The following KCNQ5 variants were observed in gnomAD, a reference collection of about 807,000 sequenced individuals.
The protein encoded by KCNQ5 is potassium voltage-gated channel subfamily Q member 5, also known as potassium voltage-gated channel subfamily KQT member 5.
A neutral mutation model predicts 98.2 loss-of-function variants in KCNQ5; 30 were observed. The observed-to-expected ratio is 0.31, with a 90% CI of 0.23 to 0.41. KCNQ5 has a LOEUF of 0.41. KCNQ5 is among the 10% of genes least tolerant of loss of function. The pLI, the probability that KCNQ5 is intolerant of heterozygous loss-of-function variation, is 1.00. For missense variants in KCNQ5, 835 were observed against 1,182.5 expected (o/e 0.71, Z 4.31); for synonymous variants, 458 against 449.4 (o/e 1.02, Z -0.24).
chr6:72,626,153 G>C (rs1172036948), intron 1 of KCNQ5, among the ~76,000 whole-genome samples: 1 of 152,236 alleles, frequency 6.6e-6, no homozygotes, highest in African/African-American at 2.4e-5. Flanking sequence ...CTACAAGCCT[G>C]TGAACAAGTG....
intron 1 of KCNQ5, among the ~76,000 whole-genome samples, chr6:72,742,399 T>G (rs1042397036): frequency 1.3e-5 from 2 of 152,218 alleles, no homozygotes; most frequent in African/African-American, 4.8e-5. Flanking sequence ...TTCTACTTGA[T>G]CTGCTCACAT....
chr6:72,913,365 T>C (rs1780017415), intron 1 of KCNQ5, among the ~76,000 whole-genome samples: 1 of 151,898 alleles, frequency 6.6e-6, no homozygotes, highest in Non-Finnish European at 1.5e-5. Context: ...CGGTAGTAAG[T>C]GGCACCATGT....
chr6:72,987,815 T>C, intron 1 of KCNQ5: 1 of 372,882 alleles, frequency 2.7e-6, no homozygotes, highest in Non-Finnish European at 5.1e-6. Context: ...ATGCTGGAGA[T>C]TACAAGTTTT....
intron 5 of KCNQ5, among the ~76,000 whole-genome samples, chr6:73,093,296 T>C (rs1172278258): frequency 6.6e-6 from 1 of 152,218 alleles, no homozygotes; most frequent in African/African-American, 2.4e-5. Context: ...TTTTCTCTCT[T>C]CTTTTTATGG....
chr6:72,754,282 T>C (rs901715695), intron 1 of KCNQ5, among the ~76,000 whole-genome samples: 3 of 152,154 alleles, frequency 2.0e-5, no homozygotes, highest in Non-Finnish European at 4.4e-5. Context: ...GACATGTTGA[T>C]TTTTATTTGT....
At chr6:73,036,254 T>C (rs763870307) in intron 2 of KCNQ5, among the ~76,000 whole-genome samples, 22 of 151,592 alleles carry the variant, frequency 1.5e-4, no homozygotes, top group Middle Eastern at 6.8e-3. Flanking sequence ...GGCGTGGTGG[T>C]GGGCGCCTGT....
At chr6:72,972,564 A>G (rs908849977) in intron 1 of KCNQ5, among the ~76,000 whole-genome samples, 2 of 150,812 alleles carry the variant, frequency 1.3e-5, no homozygotes, top group Non-Finnish European at 3.0e-5. Flanking sequence ...TCAATGTTCA[A>G]CTCCCACTTA....
intron 1 of KCNQ5, among the ~76,000 whole-genome samples, chr6:72,808,158 C>T (rs1022584488): frequency 6.6e-6 from 1 of 151,936 alleles, no homozygotes; most frequent in African/African-American, 2.4e-5. Flanking sequence ...GGGCTAGTGG[C>T]AAAGGAAATG....
intron 1 of KCNQ5, among the ~76,000 whole-genome samples, chr6:72,841,383 A>G (rs1431759661): frequency 6.6e-6 from 1 of 152,124 alleles, no homozygotes; most frequent in Non-Finnish European, 1.5e-5. Context: ...GTAATTATGG[A>G]CTTGTTCCTT....
chr6:72,637,726 T>A (rs2098925008), intron 1 of KCNQ5, among the ~76,000 whole-genome samples: 1 of 152,186 alleles, frequency 6.6e-6, no homozygotes, highest in African/African-American at 2.4e-5. Context: ...TGTTTTGGTA[T>A]GTCAAATGGA....
chr6:73,186,616 C>G (rs1172582661), intron 11 of KCNQ5, among the ~76,000 whole-genome samples: 1 of 152,034 alleles, frequency 6.6e-6, no homozygotes, highest in Non-Finnish European at 1.5e-5. Flanking sequence ...GATAGAATTT[C>G]CATGGTACAG....
chr6:72,793,794 T>G (rs918847866), intron 1 of KCNQ5, among the ~76,000 whole-genome samples: 1 of 152,200 alleles, frequency 6.6e-6, no homozygotes, highest in Non-Finnish European at 1.5e-5. Context: ...TGATTTCAGC[T>G]CTTATTGAGT....
intron 2 of KCNQ5, among the ~76,000 whole-genome samples, chr6:73,005,913 A>G (rs946790575): frequency 2.6e-5 from 4 of 152,226 alleles, no homozygotes; most frequent in African/African-American, 9.6e-5. Flanking sequence ...AAACCTACCT[A>G]GAAATATGCA....
At chr6:73,124,971 A>G (rs1255097747) in intron 9 of KCNQ5, among the ~76,000 whole-genome samples, 1 of 8,572 alleles carries the variant, frequency 1.2e-4, no homozygotes, top group Non-Finnish European at 1.9e-4. Flanking sequence ...ATATATATAT[A>G]TATATATATA....
intron 1 of KCNQ5, among the ~76,000 whole-genome samples, chr6:72,912,062 T>C (rs932228427): frequency 2.6e-5 from 4 of 152,076 alleles, no homozygotes; most frequent in Non-Finnish European, 5.9e-5. Flanking sequence ...ACAAAGAGAT[T>C]GGGGGATAAA....
At chr6:72,805,789 C>A (rs1456437348) in intron 1 of KCNQ5, among the ~76,000 whole-genome samples, 1 of 151,972 alleles carries the variant, frequency 6.6e-6, no homozygotes, top group African/African-American at 2.4e-5. Context: ...TATTGATTCC[C>A]CACCTATGGA....
intron 10 of KCNQ5, 91 bp from the exon 11 acceptor site, chr6:73,169,655 A>G (rs995751172): frequency 8.1e-6 from 7 of 867,174 alleles, no homozygotes; most frequent in Non-Finnish European, 1.4e-5. Flanking sequence ...TTACTCTGTG[A>G]GTATCCCGCC....
chr6:73,056,539 T>C (rs567313326), intron 3 of KCNQ5, among the ~76,000 whole-genome samples: 111 of 152,288 alleles, frequency 7.3e-4, no homozygotes, highest in African/African-American at 2.5e-3. Context: ...GTAAGCTCCT[T>C]GACCTTTGAG....
rs56943530 is a variant in KCNQ5 at position 73,189,995 on chromosome 6, C to CAA, written c.1578-564_1578-563dup. Among the ~76,000 whole-genome samples the CAA allele has an allele frequency of 5.7e-4, 65 of 113,152 alleles. 1 individual carries two copies. The highest frequency in any genetic ancestry group is 4.8e-3 in the Middle Eastern group (1 of 210). 74.2% of individuals were successfully genotyped at this position (113,152 alleles called of 152,430 possible). A position where few individuals can be genotyped will look rare whatever the true frequency, so the allele number is the denominator to read the frequency against. On this transcript the variant is annotated intron_variant, in intron 11 of 13. Transcript: ENST00000370398. ...TGGGCAACACAGTGAGACCTCATCT[C>CAA]AAAAAAAAAAAAAAAGTGTATTATG...
Sources: allele counts gnomAD v4.1 joint callset (sites outside exome capture counted in the v4.1 genomes callset), GRCh38; gene constraint gnomAD v4.1.1; transcripts MANE v1.5; gene names NCBI Gene and HGNC (gene_info 2026-07-23, HGNC 2026-07-21).